PREX2: variants seen among roughly 807,000 people sequenced by gnomAD.
The protein encoded by PREX2 is phosphatidylinositol-3,4,5-trisphosphate dependent Rac exchange factor 2.
Under a neutral mutation model 203.2 loss-of-function variants are expected in PREX2, and 107 were observed. The ratio of observed to expected loss-of-function variants is 0.53; its 90% confidence interval spans 0.45 to 0.62. The LOEUF is 0.62. Ranked by LOEUF, PREX2 falls within the 20% of genes least tolerant of loss-of-function variation. PREX2 has a pLI of 0.00. For synonymous variants in PREX2, 672 were observed against 663.6 expected (o/e 1.01, Z -0.19); for missense variants, 1,777 against 1,955.9 (o/e 0.91, Z 1.72).
chr8:68,098,960 A>G (rs62522674), intron 22 of PREX2, among the ~76,000 whole-genome samples: 1 of 86,086 alleles, frequency 1.2e-5, no homozygotes. Context: ...ATATATATAT[A>G]TATATATATA....
chr8:68,027,180 G>T (rs753407190), intron 4 of PREX2, 42 bp from the exon 5 acceptor site: 24 of 1,408,692 alleles, frequency 1.7e-5, no homozygotes, highest in Non-Finnish European at 2.3e-5. Flanking sequence ...CACAGCGTGA[G>T]ATTATTAAAG....
chr8:68,074,334 G>A (rs1167483886), intron 14 of PREX2, among the ~76,000 whole-genome samples: 1 of 152,092 alleles, frequency 6.6e-6, no homozygotes, highest in East Asian at 1.9e-4. Context: ...GTACATAATA[G>A]GAATTGCATT....
intron 2 of PREX2, 114 bp from the exon 3 acceptor site, chr8:68,019,435 T>A (rs1322434181): frequency 1.3e-6 from 1 of 750,320 alleles, no homozygotes. Flanking sequence ...GTCGGCAAGG[T>A]GGGAGGAAGG....
At chr8:68,101,925 T>C (rs530598821) in intron 23 of PREX2, among the ~76,000 whole-genome samples, 3 of 152,236 alleles carry the variant, frequency 2.0e-5, no homozygotes, top group Admixed American at 2.0e-4. Context: ...AGGTAGCAAA[T>C]TGATGCAGCT....
At chr8:68,192,862 G>A (rs1342294467) in intron 37 of PREX2, among the ~76,000 whole-genome samples, 1 of 152,124 alleles carries the variant, frequency 6.6e-6, no homozygotes, top group Non-Finnish European at 1.5e-5. Flanking sequence ...CAACAAAACT[G>A]GTTTTCTCAC....
At chr8:68,006,764 A>G (rs1264727071) in intron 1 of PREX2, among the ~76,000 whole-genome samples, 1 of 152,196 alleles carries the variant, frequency 6.6e-6, no homozygotes, top group Non-Finnish European at 1.5e-5. Context: ...TACATCCCCA[A>G]AATGTTGGTT....
chr8:68,034,008 C>G (rs549261358), intron 6 of PREX2, among the ~76,000 whole-genome samples: 9 of 152,214 alleles, frequency 5.9e-5, no homozygotes, highest in Non-Finnish European at 1.0e-4. Flanking sequence ...TTACTACGTG[C>G]TATTATATCC....
At chr8:68,095,393 C>T (rs1434765) in intron 21 of PREX2, among the ~76,000 whole-genome samples, 1 of 151,678 alleles carries the variant, frequency 6.6e-6, no homozygotes, top group South Asian at 2.1e-4. Context: ...ACATAAACTC[C>T]GTTATGTTCT....
In PREX2 at chr8:68,032,095, A is replaced by C. The variant is rs76786215; in HGVS notation, c.705+1437A>C. 6.8e-4 allele frequency among the ~76,000 whole-genome samples: 104 copies of C among 152,282 alleles called. 2 individuals are homozygous for C. Among genetic ancestry groups the C allele is most frequent in the Non-Finnish European group, 1.4e-3 (98 of 68,032 alleles). On this transcript the variant is annotated intron_variant, in intron 6 of 39. Coordinates refer to ENST00000288368, the MANE Select transcript of PREX2 (RefSeq NM_024870.4). ...ACACCAGTTACTCAAAGGAAGAATG[A>C]ATGTAGGTGGAACTATATCATATGT...
At chr8:68,157,757 G>C (rs1811569362) in intron 35 of PREX2, among the ~76,000 whole-genome samples, 2 of 151,918 alleles carry the variant, frequency 1.3e-5, no homozygotes, top group Non-Finnish European at 2.9e-5. Context: ...TCCCCTATAA[G>C]ATTTATTGGA....
intron 35 of PREX2, among the ~76,000 whole-genome samples, chr8:68,190,207 C>T (rs1375795856): frequency 6.6e-6 from 1 of 152,054 alleles, no homozygotes; most frequent in Non-Finnish European, 1.5e-5. Flanking sequence ...ATATAATCAG[C>T]TTTTATTTGA....
At chr8:68,199,096 G>A (rs989771915) in intron 37 of PREX2, among the ~76,000 whole-genome samples, 1 of 152,008 alleles carries the variant, frequency 6.6e-6, no homozygotes, top group Non-Finnish European at 1.5e-5. Context: ...TCTGGTGGGG[G>A]TTGTTAGTGG....
chr8:68,012,929 T>C (rs568834383), intron 1 of PREX2, among the ~76,000 whole-genome samples: 2 of 152,342 alleles, frequency 1.3e-5, no homozygotes, highest in East Asian at 3.9e-4. Flanking sequence ...CCATGTCATA[T>C]GGTGATAGAA....
chr8:68,071,024 T>C (rs564037058), intron 13 of PREX2, among the ~76,000 whole-genome samples: 2 of 152,188 alleles, frequency 1.3e-5, no homozygotes, highest in Admixed American at 6.5e-5. Flanking sequence ...TTAATAGCAA[T>C]TGGGTACTTA....
At chr8:68,165,982 C>G (rs1170314849) in intron 35 of PREX2, among the ~76,000 whole-genome samples, 1 of 152,092 alleles carries the variant, frequency 6.6e-6, no homozygotes, top group Non-Finnish European at 1.5e-5. Flanking sequence ...CTGTGTAAAA[C>G]CAGACCACTG....
intron 2 of PREX2, among the ~76,000 whole-genome samples, chr8:68,018,207 C>T (rs1209229422): frequency 6.6e-6 from 1 of 151,628 alleles, no homozygotes; most frequent in Non-Finnish European, 1.5e-5. Context: ...GTGGCTTATG[C>T]CTGTAATCCC....
At chr8:67,953,441 G>A (rs112660419) in intron 1 of PREX2, among the ~76,000 whole-genome samples, 75 of 152,214 alleles carry the variant, frequency 4.9e-4, no homozygotes, top group African/African-American at 1.7e-3. Flanking sequence ...AAAAGACAAA[G>A]AATTTGAGCC....
At chr8:67,976,665 GAGACAGAGAGAGAGACA>G (rs1806113213) in intron 1 of PREX2, among the ~76,000 whole-genome samples, 1 of 104,244 alleles carries the variant, frequency 9.6e-6, no homozygotes, top group Non-Finnish European at 1.9e-5. Flanking sequence ...AGACGGGAGA[GAGACAGAGAGAGAGACA>G]GGAGAGAGAC....
At chr8:68,165,493 T>G (rs912808227) in intron 35 of PREX2, among the ~76,000 whole-genome samples, 5 of 152,100 alleles carry the variant, frequency 3.3e-5, no homozygotes, top group Non-Finnish European at 4.4e-5. Flanking sequence ...AAGAATAGTT[T>G]GAGAACCAGG....
Sources: allele counts gnomAD v4.1 joint callset (sites outside exome capture counted in the v4.1 genomes callset), GRCh38; gene constraint gnomAD v4.1.1; transcripts MANE v1.5; gene names NCBI Gene and HGNC (gene_info 2026-07-23, HGNC 2026-07-21).